Variants in TRPV4 observed in about 807,000 individuals in gnomAD.
The protein encoded by TRPV4 is OSM9-like transient receptor potential channel 4.
A neutral mutation model predicts 84.1 loss-of-function variants in TRPV4; 58 were observed. The ratio of observed to expected loss-of-function variants is 0.69; its 90% CI spans 0.56 to 0.86. The LOEUF is 0.86. Among genes scored for constraint, TRPV4 ranks in the 40% least tolerant of loss-of-function variants. The pLI is 0.00. For synonymous variants in TRPV4, 489 were observed against 500.9 expected (o/e 0.98, Z 0.32); for missense variants, 879 against 1,181.1 (o/e 0.74, Z 3.75).
intron 4 of TRPV4, among the ~76,000 whole-genome samples, chr12:109,800,990 G>A (rs1890750847): frequency 6.6e-6 from 1 of 152,246 alleles, no homozygotes; most frequent in Non-Finnish European, 1.5e-5. Flanking sequence ...TCCTGAATGT[G>A]AGAAGTTTTT....
At chr12:109,804,411 C>A (rs576782825) in intron 3 of TRPV4, among the ~76,000 whole-genome samples, 10 of 152,242 alleles carry the variant, frequency 6.6e-5, no homozygotes, top group African/African-American at 2.2e-4. Flanking sequence ...GGCTTTGCTC[C>A]CCACAGCTGT....
chr12:109,824,778 C>T (rs992978796), intron 1 of TRPV4, among the ~76,000 whole-genome samples: 2 of 94,530 alleles, frequency 2.1e-5, no homozygotes, highest in African/African-American at 4.7e-5. Context: ...ACCTTAGGCC[C>T]GCCTTCTCTC....
intron 2 of TRPV4, among the ~76,000 whole-genome samples, chr12:109,812,581 G>GA (rs1891587460): frequency 6.6e-6 from 1 of 152,174 alleles, no homozygotes; most frequent in African/African-American, 2.4e-5. Context: ...GCAAACAAAA[G>GA]AGTGAATGGA....
chr12:109,814,598 G>A lies in TRPV4; in HGVS notation c.199C>T (p.Leu67=), dbSNP rs1565883436. The change falls in exon 2 of 16, where the codon CTG becomes TTG. Residue 67 remains leucine (L), a synonymous_variant. Transcript: ENST00000261740. This position sits in a 1 kb window ranked among gnomAD's most constrained non-coding sequence, Gnocchi z 5.4. ...AAGGCGCCCTGGAACTTCATGCGCA[G>A]ATTTGGTCGCCCATCGCCTGGGCCA... The part of the protein sequence containing the change: ...PAGPGDGRPN[L]RMKFQGAFRK... 1.9e-6 allele frequency: 3 copies of A among 1,614,132 alleles called. No individual in the cohort carries two copies. The highest frequency in any genetic ancestry group is 2.5e-6 in the Non-Finnish European group (3 of 1,180,004).
intron 1 of TRPV4, among the ~76,000 whole-genome samples, chr12:109,826,109 G>A (rs1008475413): frequency 2.0e-5 from 3 of 152,030 alleles, no homozygotes; most frequent in South Asian, 2.1e-4. Flanking sequence ...CTGCAGCCTC[G>A]ACCTCCCAGG....
chr12:109,794,232 C>T, intron 8 of TRPV4, 97 bp downstream of exon 8: 1 of 1,508,186 alleles, frequency 6.6e-7, no homozygotes, highest in South Asian at 1.1e-5. Context: ...TCTCCGGGTC[C>T]CCCTACAGGG....
rs1555205372 is a variant in TRPV4, at chr12:109,788,457, G to A, written c.2151C>T (p.Leu717=). 6.2e-7 allele frequency: 1 copy of A among 1,614,238 alleles called. No individual in the cohort carries two copies. The highest frequency in any genetic ancestry group is 1.6e-4 in the Middle Eastern group (1 of 6,062). Residue 717 remains leucine (L), a synonymous_variant, in exon 13 of 16, where the codon CTC becomes CTT. Coordinates refer to ENST00000261740, the MANE Select transcript of TRPV4 (RefSeq NM_021625.5). ...AGACCTGGCCCACTGTCTCGCCCAT[G>A]AGGGCAATGAGCATGTTGAGGAGCA... ...FVLLLNMLIA[L]MGETVGQVSK...
chr12:109,806,468 G>A (rs1891136520), intron 3 of TRPV4, among the ~76,000 whole-genome samples: 1 of 149,504 alleles, frequency 6.7e-6, no homozygotes, highest in Middle Eastern at 3.2e-3. Flanking sequence ...GCCTCCCAAA[G>A]TGCTGGGATT....
chr12:109,789,128 G>A (rs376735020), intron 12 of TRPV4, among the ~76,000 whole-genome samples: 25 of 152,194 alleles, frequency 1.6e-4, no homozygotes, highest in African/African-American at 4.6e-4. Context: ...CCCTGCTACC[G>A]GGAGGGAAAA....
intron 3 of TRPV4, among the ~76,000 whole-genome samples, chr12:109,804,574 G>A (rs1240482449): frequency 1.3e-5 from 2 of 152,194 alleles, no homozygotes; most frequent in African/African-American, 4.8e-5. Context: ...CATGAGACGG[G>A]ATTTAGGAAC....
At chr12:109,805,199 C>T (rs745509466) in intron 3 of TRPV4, among the ~76,000 whole-genome samples, 30 of 152,264 alleles carry the variant, frequency 2.0e-4, no homozygotes, top group Non-Finnish European at 2.6e-4. Context: ...ATCATTCGGC[C>T]TCTGCCAAGC....
At chr12:109,828,624 C>T (rs142440423) in intron 1 of TRPV4, among the ~76,000 whole-genome samples, 13 of 152,334 alleles carry the variant, frequency 8.5e-5, no homozygotes, top group Non-Finnish European at 1.8e-4. Flanking sequence ...CAGCAACTGG[C>T]GGAGCTGGGA....
chr12:109,807,430 G>C, intron 3 of TRPV4, among the ~76,000 whole-genome samples: 1 of 148,480 alleles, frequency 6.7e-6, no homozygotes. Flanking sequence ...ACCCAGGCTG[G>C]AGTGCAGTGG....
Position 109,794,426 on chromosome 12 carries a change from T to G in TRPV4, c.1394A>C (p.Lys465Thr). The change falls in exon 8 of 16, where the codon AAG becomes ACG. Residue 465 changes from lysine to threonine, a missense_variant. Around this residue, in one of 4 missense-constraint regions of TRPV4, gnomAD observed 521 missense variants for 686.6 expected, o/e 0.76. Coordinates refer to ENST00000261740, the MANE Select transcript of TRPV4 (RefSeq NM_021625.5). ...INELLRDKWR[K>T]FGAVSFYINV... ...GATGTAGAAGGAGACGGCCCCGAACTTGCGCCACTTGTCCCGCAGCAGTTC... is the reference window on the plus strand; with the variant it reads ...GATGTAGAAGGAGACGGCCCCGAACGTGCGCCACTTGTCCCGCAGCAGTTC... The G allele has an allele frequency of 6.2e-7, 1 of 1,614,000 alleles. No homozygotes were observed. Among genetic ancestry groups the G allele is most frequent in the East Asian group, 2.2e-5 (1 of 44,852 alleles).
At chr12:109,805,070 G>A (rs1891034377) in intron 3 of TRPV4, among the ~76,000 whole-genome samples, 1 of 152,212 alleles carries the variant, frequency 6.6e-6, no homozygotes, top group Non-Finnish European at 1.5e-5. Flanking sequence ...ACAGCCTTTT[G>A]TTGACACCTG....
Position 109,786,244 on chromosome 12 carries a change from G to C in TRPV4, c.2336+466C>G, listed in dbSNP as rs766518392. Reference sequence around the variant, plus strand: ...GGAACACGGAGTCATTCTGCAGATGGGCTGGGTGAGGTCTCCAGCCCTGGA... The same window carrying C: ...GGAACACGGAGTCATTCTGCAGATGCGCTGGGTGAGGTCTCCAGCCCTGGA... On this transcript the variant is annotated intron_variant, in intron 14 of 15. Coordinates refer to ENST00000261740, the MANE Select transcript of TRPV4 (RefSeq NM_021625.5). This position sits in a 1 kb window ranked among gnomAD's most constrained non-coding sequence, Gnocchi z 4.5. 6.6e-6 allele frequency among the ~76,000 whole-genome samples: 1 copy of C among 152,186 alleles called. No individual in the cohort carries two copies. The highest frequency in any genetic ancestry group is 1.5e-5 in the Non-Finnish European group (1 of 68,032).
chr12:109,793,420 G>T lies in TRPV4; in HGVS notation c.1658+107C>A. 1.0e-6 allele frequency: 1 copy of T among 968,536 alleles called. No homozygotes were observed. Among genetic ancestry groups the T allele is most frequent in the Non-Finnish European group, 1.7e-6 (1 of 594,564 alleles). The allele number at this position is 968,536 out of a possible 1,614,324, so 60.0% of individuals were successfully genotyped here. On this transcript the variant is annotated intron_variant, in intron 10 of 15. Transcript: ENST00000261740. The surrounding 1 kb of genome is among the most constrained non-coding windows in gnomAD (Gnocchi z 4.0). ...TTTGGGTTAGAGCTGCCCAGGTTGG[G>T]TGCATTCATTTCTAACAGAATCACC...
intron 1 of TRPV4, among the ~76,000 whole-genome samples, chr12:109,817,824 T>G (rs1891925533): frequency 6.6e-6 from 1 of 152,212 alleles, no homozygotes; most frequent in Non-Finnish European, 1.5e-5. Context: ...ATGACATGTT[T>G]TGTTGTCACA....
At chr12:109,790,537 C>T (rs760676924) in intron 12 of TRPV4, among the ~76,000 whole-genome samples, 1 of 152,150 alleles carries the variant, frequency 6.6e-6, no homozygotes, top group Admixed American at 6.5e-5. Context: ...AAATTTTATC[C>T]TTCCATGTAT....
Sources: gnomAD v4.1 joint callset for allele counts (sites outside exome capture counted in the v4.1 genomes callset) on GRCh38, gnomAD v4.1.1 for gene constraint, gnomAD v4.1.1 regional missense constraint, Gnocchi (gnomAD v3.1) non-coding constraint, MANE v1.5 for transcripts, NCBI Gene and HGNC (gene_info 2026-07-23, HGNC 2026-07-21) for gene names.